The following EFCAB6 variants were observed in gnomAD, a reference collection of about 807,000 sequenced individuals.
The protein encoded by EFCAB6 is EF-hand calcium-binding domain-containing protein 6.
A neutral mutation model predicts 169.8 loss-of-function variants in EFCAB6; 156 were observed. The ratio of observed to expected loss-of-function variants is 0.92; its 90% CI spans 0.81 to 1.05. EFCAB6 has a LOEUF of 1.05. Among genes scored for constraint, EFCAB6 ranks in the 50% least tolerant of loss-of-function variants. EFCAB6 has a pLI of 0.00. For missense variants in EFCAB6, 1,800 were observed against 1,829.1 expected (o/e 0.98, Z 0.29); for synonymous variants, 698 against 676.4 (o/e 1.03, Z -0.50).
chr22:43,661,157 T>C (rs2056981605), intron 17 of EFCAB6, among the ~76,000 whole-genome samples: 2 of 152,146 alleles, frequency 1.3e-5, no homozygotes, highest in Admixed American at 6.5e-5. Context: ...GGAGGATTTC[T>C]TGAGCCCAGG....
chr22:43,638,571 A>G (rs550510263), intron 17 of EFCAB6, among the ~76,000 whole-genome samples: 4 of 152,284 alleles, frequency 2.6e-5, no homozygotes, highest in Non-Finnish European at 2.9e-5. Flanking sequence ...CAGCCTTTCT[A>G]AACGCAACCC....
At chr22:43,661,927 AC>A (rs1031933551) in intron 17 of EFCAB6, among the ~76,000 whole-genome samples, 10 of 152,192 alleles carry the variant, frequency 6.6e-5, no homozygotes, top group African/African-American at 2.4e-4. Context: ...GACCAGCCTG[AC>A]CAATATGGTG....
At chr22:43,703,012 C>T (rs926519844) in intron 10 of EFCAB6, among the ~76,000 whole-genome samples, 2 of 152,196 alleles carry the variant, frequency 1.3e-5, no homozygotes, top group South Asian at 2.1e-4. Flanking sequence ...GGAAGGCAAA[C>T]GTGAACTGTG....
chr22:43,720,783 A>G (rs1304053356), intron 8 of EFCAB6, among the ~76,000 whole-genome samples: 1 of 152,156 alleles, frequency 6.6e-6, no homozygotes, highest in Non-Finnish European at 1.5e-5. Context: ...TACAATACAT[A>G]TGATATGAAT....
chr22:43,705,563 A>T (rs2058924321), intron 10 of EFCAB6, among the ~76,000 whole-genome samples: 1 of 152,132 alleles, frequency 6.6e-6, no homozygotes, highest in Non-Finnish European at 1.5e-5. Flanking sequence ...GAAACCAATA[A>T]TGGGGAATTT....
chr22:43,633,881 C>T (rs188299054), intron 18 of EFCAB6, among the ~76,000 whole-genome samples: 6 of 152,334 alleles, frequency 3.9e-5, no homozygotes, highest in African/African-American at 1.2e-4. Flanking sequence ...CCCACCCCAC[C>T]GCCTGACCCC....
intron 10 of EFCAB6, among the ~76,000 whole-genome samples, chr22:43,690,217 G>T (rs949071373): frequency 6.6e-6 from 1 of 151,850 alleles, no homozygotes; most frequent in Non-Finnish European, 1.5e-5. Context: ...ATGTAAATCC[G>T]GGCTGGGCGC....
chr22:43,690,527 A>G (rs1252044903), intron 10 of EFCAB6, among the ~76,000 whole-genome samples: 3 of 151,358 alleles, frequency 2.0e-5, no homozygotes, highest in Non-Finnish European at 4.4e-5. Flanking sequence ...GAAAAAAAAA[A>G]AAAAATGCAA....
intron 20 of EFCAB6, among the ~76,000 whole-genome samples, chr22:43,623,055 T>C (rs1173943011): frequency 1.3e-5 from 2 of 152,168 alleles, no homozygotes; most frequent in Non-Finnish European, 1.5e-5. Flanking sequence ...GAGGAAGGCA[T>C]AGAGACAGAA....
intron 24 of EFCAB6, among the ~76,000 whole-genome samples, chr22:43,587,237 ATGT>A (rs2147368537): frequency 6.6e-6 from 1 of 152,230 alleles, no homozygotes; most frequent in South Asian, 2.1e-4. Context: ...TTCTCCGGAG[ATGT>A]TGTTTCTGAG....
At chr22:43,633,791 T>C (rs1037992364) in intron 18 of EFCAB6, among the ~76,000 whole-genome samples, 3 of 152,176 alleles carry the variant, frequency 2.0e-5, no homozygotes, top group Non-Finnish European at 1.5e-5. Flanking sequence ...CTCTTGAGCC[T>C]GGCTTCTGCC....
rs369786858 is a variant in EFCAB6, at chr22:43,608,516, G to A, written c.2647C>T (p.Leu883Phe). 14 of 1,614,070 alleles carry A rather than the reference G, an allele frequency of 8.7e-6. No individual in the cohort carries two copies. Among genetic ancestry groups the A allele is most frequent in the Non-Finnish European group, 1.1e-5 (13 of 1,180,046 alleles). ...KNALYGFDIP[L>F]TPREFEKLWA... ...AGCTTTTCAAACTCTCTTGGTGTGA[G>A]GGGAATATCAAAACCGTACAGTGCG... is the stretch of plus-strand genomic sequence containing the variant. Residue 883 changes from leucine (L) to phenylalanine (F), a missense_variant, in exon 22 of 32, where the codon CTC becomes TTC. By Grantham distance (22) the Leu-to-Phe change is conservative. Coordinates refer to ENST00000262726, the MANE Select transcript of EFCAB6 (RefSeq NM_022785.4).
intron 6 of EFCAB6, among the ~76,000 whole-genome samples, chr22:43,740,045 A>G (rs1451356471): frequency 7.5e-6 from 1 of 132,804 alleles, no homozygotes; most frequent in Non-Finnish European, 1.6e-5. Flanking sequence ...ACCAGACCCC[A>G]CTGCTCCCCA....
At chr22:43,650,861 T>C (rs2056433923) in intron 17 of EFCAB6, among the ~76,000 whole-genome samples, 1 of 152,322 alleles carries the variant, frequency 6.6e-6, no homozygotes, top group South Asian at 2.1e-4. Flanking sequence ...CCTAGAGATT[T>C]GTGGAACTTT....
rs1407517276 is a variant in EFCAB6, at chr22:43,572,320, A to G, written c.3420+3977T>C. ...GTTCTCTCCTTGGTCCAGCAATTCC[A>G]GGATCAGCAGAGGCTCCTTGTGACT... On this transcript the variant is annotated intron_variant, in intron 26 of 31. Coordinates refer to ENST00000262726, the MANE Select transcript of EFCAB6 (RefSeq NM_022785.4). The surrounding 1 kb of genome is among the most constrained non-coding windows in gnomAD (Gnocchi z 4.0). 5.3e-5 allele frequency among the ~76,000 whole-genome samples: 8 copies of G among 152,338 alleles called. 1 individual carries two copies. In the East Asian group the frequency reaches 1.5e-3, roughly 29 times the overall value.
chr22:43,713,290 C>T (rs1289841366), intron 9 of EFCAB6, among the ~76,000 whole-genome samples: 1 of 152,266 alleles, frequency 6.6e-6, no homozygotes, highest in East Asian at 1.9e-4. Context: ...GAATGAAGCA[C>T]ATTATTGGCA....
At position 43,643,884 on chromosome 22, in the gene EFCAB6, C is replaced by G. The variant is rs1010086951; in HGVS notation, c.1984-8668G>C. Reference sequence around the variant, plus strand: ...TGTCACCCAGGCTGGAGCGCAGTAGCGTGATCTCGGCTCACTGCAAGCTCT... The same window carrying G: ...TGTCACCCAGGCTGGAGCGCAGTAGGGTGATCTCGGCTCACTGCAAGCTCT... On this transcript the variant is annotated intron_variant, in intron 17 of 31. Transcript: ENST00000262726. Among the ~76,000 whole-genome samples, 5 of 151,808 alleles carry G rather than the reference C, an allele frequency of 3.3e-5. No individual in the cohort carries two copies. The East Asian group carries it at 9.7e-4, about 29-fold the overall frequency.
chr22:43,605,063 C>T (rs1017205546), intron 22 of EFCAB6, among the ~76,000 whole-genome samples: 3 of 152,278 alleles, frequency 2.0e-5, no homozygotes, highest in Admixed American at 6.5e-5. Flanking sequence ...ATGCCAAGCC[C>T]TCCCCAAGGA....
chr22:43,603,301 C>G (rs1043232936), intron 22 of EFCAB6, among the ~76,000 whole-genome samples: 1 of 152,250 alleles, frequency 6.6e-6, no homozygotes, highest in African/African-American at 2.4e-5. Flanking sequence ...GCTAATTCAG[C>G]TTACATAACC....
Sources: allele counts gnomAD v4.1 joint callset (sites outside exome capture counted in the v4.1 genomes callset), GRCh38; gene constraint gnomAD v4.1.1; non-coding constraint Gnocchi (gnomAD v3.1); transcripts MANE v1.5; gene names NCBI Gene and HGNC (gene_info 2026-07-23, HGNC 2026-07-21).